CACNA1A: variants seen among roughly 807,000 people sequenced by gnomAD.
CACNA1A encodes the protein calcium voltage-gated channel subunit alpha1 A, also known as voltage-dependent P/Q-type calcium channel subunit alpha-1A.
Under a neutral mutation model 262.4 loss-of-function variants are expected in CACNA1A, and 57 were observed. That is an observed-to-expected ratio of 0.22 (90% CI 0.18 to 0.27). The LOEUF (loss-of-function observed/expected upper bound fraction) is 0.27. Ranked by LOEUF, CACNA1A falls within the 10% of genes least tolerant of loss-of-function variation. The probability of loss-of-function intolerance (pLI) is 1.00; values close to 1 mark genes in which losing one functional copy is unlikely to be tolerated. For synonymous variants in CACNA1A, 1,431 were observed against 1,419.3 expected, an observed-to-expected ratio of 1.01 and a Z score of -0.18; for missense variants, 2,526 against 3,562.8, an observed-to-expected ratio of 0.71 and a Z score of 7.41.
chr19:13,356,238 C>T (rs903308204), intron 6 of CACNA1A, among the ~76,000 whole-genome samples: 2 of 152,194 alleles, frequency 1.3e-5, no homozygotes, highest in South Asian at 2.1e-4. Context: ...TTGACTTACA[C>T]GGAGGTCACC....
chr19:13,445,762 A>G (rs1195309332), intron 3 of CACNA1A, among the ~76,000 whole-genome samples: 1 of 152,226 alleles, frequency 6.6e-6, no homozygotes, highest in Non-Finnish European at 1.5e-5. Context: ...GAACACAAAT[A>G]CAATAAAAAC....
At chr19:13,503,938 C>G (rs1052837608) in intron 1 of CACNA1A, among the ~76,000 whole-genome samples, 2 of 152,076 alleles carry the variant, frequency 1.3e-5, no homozygotes, top group Non-Finnish European at 2.9e-5. Context: ...CCACTGCAAT[C>G]CCCCTCTCCC....
chr19:13,447,130 A>G (rs555412456), intron 3 of CACNA1A, among the ~76,000 whole-genome samples: 1 of 152,336 alleles, frequency 6.6e-6, no homozygotes, highest in East Asian at 1.9e-4. Context: ...AACCCAATCT[A>G]GAATAGAAGG....
At chr19:13,208,514 C>T (rs1374731731) in intron 46 of CACNA1A, among the ~76,000 whole-genome samples, 5 of 3,484 alleles carry the variant, frequency 1.4e-3, no homozygotes, top group African/African-American at 2.1e-3. Flanking sequence ...CAGCTGCGGG[C>T]GGCGGGGAGG....
chr19:13,483,229 G>A (rs1385858728), intron 1 of CACNA1A, among the ~76,000 whole-genome samples: 1 of 152,098 alleles, frequency 6.6e-6, no homozygotes, highest in African/African-American at 2.4e-5. Flanking sequence ...GCCACAGATG[G>A]AAAGAGCCGG....
intron 24 of CACNA1A, among the ~76,000 whole-genome samples, chr19:13,266,319 G>A (rs980487067): frequency 1.4e-4 from 22 of 151,842 alleles, no homozygotes; most frequent in African/African-American, 5.3e-4. Context: ...TGATCCTTCA[G>A]TCTCAGCCTC....
At position 13,307,669 on chromosome 19, in the gene CACNA1A, G is replaced by A. The variant is rs1209753357; in HGVS notation, c.1986+113C>T. ...TAAAATCTGTGTTTCAAAGTGGTGT[G>A]AAAAGGCCAGGTAGAGAAGGAGGAG... On this transcript the variant is annotated intron_variant, in intron 15 of 46. Transcript: ENST00000360228. 7 of 809,944 alleles carry A rather than the reference G, an allele frequency of 8.6e-6. No individual in the cohort carries two copies. The Admixed American group carries it at 1.1e-4, about 13-fold the overall frequency. 50.2% of individuals were successfully genotyped at this position (809,944 alleles called of 1,614,324 possible).
intron 24 of CACNA1A, among the ~76,000 whole-genome samples, chr19:13,263,787 T>C (rs956889259): frequency 3.3e-5 from 5 of 150,962 alleles, no homozygotes; most frequent in Non-Finnish European, 7.4e-5. Context: ...TCCCAAAGTG[T>C]TGGGATTACA....
intron 37 of CACNA1A, 68 bp downstream of exon 37, chr19:13,227,363 A>G: frequency 1.6e-6 from 1 of 638,110 alleles, no homozygotes; most frequent in Non-Finnish European, 2.7e-6. Context: ...CAGCACTAAA[A>G]AAAAAGAAGA....
chr19:13,331,528 C>T (rs1353172425), intron 9 of CACNA1A, among the ~76,000 whole-genome samples: 1 of 151,826 alleles, frequency 6.6e-6, no homozygotes, highest in Non-Finnish European at 1.5e-5. Flanking sequence ...TGAGCCACCA[C>T]GCCCAGCCCC....
At chr19:13,359,557 C>CTG in intron 6 of CACNA1A, 49 bp downstream of exon 6, 1 of 1,477,540 alleles carries the variant, frequency 6.8e-7, no homozygotes, top group Non-Finnish European at 9.3e-7. Context: ...CAGGAGGCCA[C>CTG]CTCCCTGAGA....
intron 3 of CACNA1A, among the ~76,000 whole-genome samples, chr19:13,440,668 G>A (rs1247895972): frequency 6.6e-6 from 1 of 152,160 alleles, no homozygotes; most frequent in African/African-American, 2.4e-5. Flanking sequence ...AGGAAGCTGA[G>A]GCCCAATGGA....
At position 13,298,677 on chromosome 19, in the gene CACNA1A, C is replaced by A. The variant is rs376228771; in HGVS notation, c.2956G>T (p.Ala986Ser). 57 of 1,476,280 alleles carry A rather than the reference C, an allele frequency of 3.9e-5. No homozygotes were observed. Among genetic ancestry groups the A allele is most frequent in the Non-Finnish European group, 4.7e-5 (52 of 1,116,356 alleles). The allele number at this position is 1,476,280 out of a possible 1,614,324, so 91.4% of individuals were successfully genotyped here. Reference protein sequence around the residue: ...RARHREGSRPARGGEGEGEGP... With the variant: ...RARHREGSRPSRGGEGEGEGP... ...TCGCCCTCGCCCTCGCCGCCCCGGG[C>A]CGGCCGGCTGCCCTCGCGGTGCCGC... is the stretch of plus-strand genomic sequence containing the variant. Residue 986 changes from alanine (A) to serine (S), a missense_variant, in exon 19 of 47, where the codon GCC becomes TCC. Physicochemically the swap from Ala to Ser is moderately conservative, Grantham distance 99. This residue lies in a region of CACNA1A where 765 missense variants were observed against 748.6 expected (regional missense o/e 1.02). Transcript: ENST00000360228.
chr19:13,331,979 T>C (rs2058476808), intron 9 of CACNA1A, among the ~76,000 whole-genome samples: 1 of 152,210 alleles, frequency 6.6e-6, no homozygotes, highest in Non-Finnish European at 1.5e-5. Context: ...TATCTCTAAA[T>C]TCTAGGAAAC....
chr19:13,224,167 A>G (rs984964955), intron 38 of CACNA1A, among the ~76,000 whole-genome samples: 22 of 151,846 alleles, frequency 1.4e-4, no homozygotes, highest in Admixed American at 1.4e-3. Context: ...TACCCAAAAT[A>G]TAAAAAATTA....
At chr19:13,251,400 G>A (rs8112037) in intron 30 of CACNA1A, among the ~76,000 whole-genome samples, 65 of 151,230 alleles carry the variant, frequency 4.3e-4, no homozygotes, top group Non-Finnish European at 8.0e-4. Flanking sequence ...GGAGAATGGC[G>A]TGAACCCAGG....
At chr19:13,400,622 T>G (rs2059884078) in intron 3 of CACNA1A, among the ~76,000 whole-genome samples, 1 of 152,184 alleles carries the variant, frequency 6.6e-6, no homozygotes, top group African/African-American at 2.4e-5. Flanking sequence ...TCTAGAACAG[T>G]GACTCTCAAC....
chr19:13,319,694 T>C (rs2058207179), intron 10 of CACNA1A, among the ~76,000 whole-genome samples: 3 of 152,212 alleles, frequency 2.0e-5, no homozygotes, highest in Admixed American at 2.0e-4. Flanking sequence ...AGATTTTCCA[T>C]GAAAATATGG....
At chr19:13,294,282 A>G (rs1038177981) in intron 19 of CACNA1A, among the ~76,000 whole-genome samples, 3 of 151,744 alleles carry the variant, frequency 2.0e-5, no homozygotes, top group African/African-American at 4.8e-5. Flanking sequence ...AAGATTTTTC[A>G]CCTGTGTGAG....
Sources: allele counts gnomAD v4.1 joint callset (sites outside exome capture counted in the v4.1 genomes callset), GRCh38; gene constraint gnomAD v4.1.1; regional missense constraint gnomAD v4.1.1; transcripts MANE v1.5; gene names NCBI Gene and HGNC (gene_info 2026-07-23, HGNC 2026-07-21).